Variants in MIPOL1 observed in about 807,000 individuals in gnomAD.
MIPOL1 encodes mirror-image polydactyly gene 1 protein.
In MIPOL1, 57 loss-of-function variants were observed where a neutral mutation model predicts 60.9. That is an observed-to-expected ratio of 0.94 (90% confidence interval 0.76 to 1.17). MIPOL1 has a LOEUF of 1.17. Ranked by LOEUF, MIPOL1 falls within the 50% of genes most tolerant of loss-of-function variation. MIPOL1 has a pLI of 0.00. For missense variants in MIPOL1, 551 were observed against 511.6 expected, an observed-to-expected ratio of 1.08 and a Z score of -0.74; for synonymous variants, 179 against 168.8, an observed-to-expected ratio of 1.06 and a Z score of -0.47.
intron 11 of MIPOL1, among the ~76,000 whole-genome samples, chr14:37,446,477 G>T (rs1215378120): frequency 1.3e-5 from 2 of 152,124 alleles, no homozygotes; most frequent in African/African-American, 4.8e-5. Flanking sequence ...CTGTTGATGG[G>T]ACTGTAAACT....
intron 7 of MIPOL1, among the ~76,000 whole-genome samples, chr14:37,287,068 T>C (rs1459669867): frequency 3.3e-5 from 5 of 152,290 alleles, no homozygotes; most frequent in Admixed American, 3.3e-4. Flanking sequence ...CCTTGCTGTA[T>C]AGCGATGGAC....
chr14:37,297,628 T>C (rs950767960), intron 7 of MIPOL1, among the ~76,000 whole-genome samples: 4 of 152,172 alleles, frequency 2.6e-5, no homozygotes, highest in Non-Finnish European at 5.9e-5. Flanking sequence ...AAAATCAGTG[T>C]TCAAAAATCA....
chr14:37,372,017 A>G (rs185461257), intron 10 of MIPOL1, among the ~76,000 whole-genome samples: 1 of 152,166 alleles, frequency 6.6e-6, no homozygotes, highest in Admixed American at 6.5e-5. Flanking sequence ...AGTGTCAGGA[A>G]CAACTCTTTA....
At chr14:37,455,155 C>T (rs2094463677) in intron 11 of MIPOL1, among the ~76,000 whole-genome samples, 1 of 152,160 alleles carries the variant, frequency 6.6e-6, no homozygotes, top group Non-Finnish European at 1.5e-5. Flanking sequence ...AAATGGAAGG[C>T]AGCAATGTCC....
Position 37,484,595 on chromosome 14 carries a change from C to G in MIPOL1, c.1032-15313C>G, listed in dbSNP as rs970224147. On this transcript the variant is annotated intron_variant, in intron 11 of 12. Coordinates refer to ENST00000684589, the MANE Select transcript of MIPOL1 (RefSeq NM_001388067.1). ...TCGTGATCCGCCCCCCTCAGCCTCC[C>G]AAAGTGCTGGGATTACAGTCGTGGG... 3.3e-5 allele frequency among the ~76,000 whole-genome samples: 5 copies of G among 152,108 alleles called. No homozygotes were observed. The South Asian group carries it at 1.0e-3, about 31-fold the overall frequency.
At chr14:37,348,760 T>G (rs1358490413) in intron 9 of MIPOL1, among the ~76,000 whole-genome samples, 1 of 151,540 alleles carries the variant, frequency 6.6e-6, no homozygotes, top group Non-Finnish European at 1.5e-5. Context: ...CTCAACAACC[T>G]CCAGACTAGA....
At chr14:37,281,048 C>G (rs892961137) in intron 6 of MIPOL1, among the ~76,000 whole-genome samples, 12 of 152,106 alleles carry the variant, frequency 7.9e-5, no homozygotes, top group Admixed American at 6.5e-4. Flanking sequence ...CTTTCACTGC[C>G]TGTGCGTTTG....
chr14:37,449,971 C>A (rs1471610835), intron 11 of MIPOL1, among the ~76,000 whole-genome samples: 1 of 152,018 alleles, frequency 6.6e-6, no homozygotes, highest in East Asian at 1.9e-4. Flanking sequence ...CACCACCACG[C>A]CTGGCTAATT....
chr14:37,234,261 C>G (rs1359576673), intron 1 of MIPOL1, among the ~76,000 whole-genome samples: 2 of 151,436 alleles, frequency 1.3e-5, no homozygotes, highest in Non-Finnish European at 1.5e-5. Flanking sequence ...ATGGTCACGA[C>G]AATTTTTTTT....
intron 11 of MIPOL1, among the ~76,000 whole-genome samples, chr14:37,439,206 G>A (rs2153565004): frequency 6.6e-6 from 1 of 152,280 alleles, no homozygotes; most frequent in East Asian, 1.9e-4. Flanking sequence ...AGTCACAGAA[G>A]GGAGAGATTC....
At position 37,379,005 on chromosome 14, in the gene MIPOL1, C is replaced by T. The variant is rs540242194; in HGVS notation, c.936+9381C>T. Among the ~76,000 whole-genome samples the T allele has an allele frequency of 7.2e-5, 11 of 151,928 alleles. No homozygotes were observed. The East Asian group carries it at 1.6e-3, about 21-fold the overall frequency. On this transcript the variant is annotated intron_variant, in intron 10 of 12. Coordinates refer to ENST00000684589, the MANE Select transcript of MIPOL1 (RefSeq NM_001388067.1). ...ATCCTAATATAAAAACTGATACAGC[C>T]GAAACAATCTTGAAAAAGAACAAAC...
intron 9 of MIPOL1, among the ~76,000 whole-genome samples, chr14:37,367,707 C>A (rs187961296): frequency 1.3e-5 from 2 of 152,112 alleles, no homozygotes; most frequent in East Asian, 3.9e-4. Flanking sequence ...ACCTTTGAAT[C>A]CTTATAGGTC....
At position 37,549,661 on chromosome 14, in the gene MIPOL1, A is replaced by G. The variant is rs2095556830; in HGVS notation, c.*2690A>G. The G allele has an allele frequency of 6.6e-6, 1 of 151,970 alleles. No individual in the cohort carries two copies. Among genetic ancestry groups the G allele is most frequent in the South Asian group, 2.1e-4 (1 of 4,826 alleles). The allele number at this position is 151,970 out of a possible 1,614,324, so 9.4% of individuals were successfully genotyped here. A position where few individuals can be genotyped will look rare whatever the true frequency, so the allele number is the denominator to read the frequency against. On this transcript the variant is annotated 3_prime_UTR_variant, in exon 13 of 13. Coordinates refer to ENST00000684589, the MANE Select transcript of MIPOL1 (RefSeq NM_001388067.1). ...TGTGATAGTACCATCTCTTTCACATACTACATACAAATTCCCTAATAATCA... is the reference window on the plus strand; with the variant it reads ...TGTGATAGTACCATCTCTTTCACATGCTACATACAAATTCCCTAATAATCA...
chr14:37,258,680 A>G (rs1975369395), intron 3 of MIPOL1, among the ~76,000 whole-genome samples: 1 of 152,150 alleles, frequency 6.6e-6, no homozygotes, highest in Non-Finnish European at 1.5e-5. Context: ...TATTGTGCTC[A>G]TTGCCTTCAT....
At chr14:37,503,790 C>T (rs2095248413) in intron 12 of MIPOL1, 1 of 152,252 alleles carries the variant, frequency 6.6e-6, no homozygotes, top group South Asian at 2.1e-4. Flanking sequence ...CTAAATGCCC[C>T]AATTAAAAGA....
chr14:37,528,892 T>A (rs1335763496), intron 12 of MIPOL1, among the ~76,000 whole-genome samples: 2 of 152,204 alleles, frequency 1.3e-5, no homozygotes, highest in Non-Finnish European at 2.9e-5. Context: ...GGACAGTAGT[T>A]AGTAACTTCC....
intron 10 of MIPOL1, among the ~76,000 whole-genome samples, chr14:37,372,619 G>A (rs2092670355): frequency 1.3e-5 from 2 of 152,042 alleles, no homozygotes; most frequent in East Asian, 1.9e-4. Flanking sequence ...GCAAGGCGTG[G>A]TGGTGGGTGC....
intron 12 of MIPOL1, chr14:37,545,944 C>A (rs1301358145): frequency 3.4e-6 from 1 of 291,416 alleles, no homozygotes; most frequent in African/African-American, 2.1e-5. Flanking sequence ...TATATGAAAA[C>A]TGCTAGGCAT....
chr14:37,338,152 G>A (rs1020495750), intron 9 of MIPOL1, among the ~76,000 whole-genome samples: 2 of 148,962 alleles, frequency 1.3e-5, no homozygotes, highest in Non-Finnish European at 3.0e-5. Context: ...TGTCGCCCAG[G>A]CTGGAGTGCA....
Sources: allele counts gnomAD v4.1 joint callset (sites outside exome capture counted in the v4.1 genomes callset), GRCh38; gene constraint gnomAD v4.1.1; transcripts MANE v1.5; gene names NCBI Gene and HGNC (gene_info 2026-07-23, HGNC 2026-07-21).